Variants in TLN2 observed in about 807,000 individuals in gnomAD.
The protein encoded by TLN2 is talin-2.
TLN2 carries 118 observed loss-of-function variants against 294.7 expected under a neutral mutation model. The ratio of observed to expected loss-of-function variants is 0.40; its 90% confidence interval spans 0.34 to 0.47. The LOEUF is 0.47. TLN2 is among the 20% of genes least tolerant of loss of function. The probability of loss-of-function intolerance (pLI) is 0.84; values close to 1 mark genes in which losing one functional copy is unlikely to be tolerated. For missense variants in TLN2, 3,083 were observed against 3,282.2 expected, an observed-to-expected ratio of 0.94 and a Z score of 1.48; for synonymous variants, 1,431 against 1,304.5, an observed-to-expected ratio of 1.10 and a Z score of -2.09.
chr15:62,547,236 C>G (rs993544652), intron 1 of TLN2, among the ~76,000 whole-genome samples: 1 of 152,194 alleles, frequency 6.6e-6, no homozygotes, highest in Admixed American at 6.5e-5. Context: ...TGTTCAGATA[C>G]TGTTAATGTT....
At chr15:62,686,414 G>A (rs2057293557) in intron 11 of TLN2, among the ~76,000 whole-genome samples, 1 of 151,964 alleles carries the variant, frequency 6.6e-6, no homozygotes, top group South Asian at 2.1e-4. Flanking sequence ...TCCTGAACAG[G>A]GGGCATGATT....
Position 62,590,066 on chromosome 15 carries a change from C to T in TLN2, c.-162+304C>T, listed in dbSNP as rs145112524. Among the ~76,000 whole-genome samples, 27 of 152,216 alleles carry T rather than the reference C, an allele frequency of 1.8e-4. No homozygotes were observed. The East Asian group carries it at 3.7e-3, about 21-fold the overall frequency. ...ACCTTATAGTGTGAATTCTCATTCA[C>T]TCACACTGGTTTGCTTCATAAATCT... On this transcript the variant is annotated intron_variant, in intron 2 of 58. Transcript: ENST00000636159.
intron 12 of TLN2, among the ~76,000 whole-genome samples, chr15:62,689,595 T>TC (rs2057602692): frequency 6.6e-6 from 1 of 152,066 alleles, no homozygotes; most frequent in Non-Finnish European, 1.5e-5. Flanking sequence ...TGTGTTTTTT[T>TC]CCTCTGAGAA....
At chr15:62,732,057 G>A (rs1007426189) in intron 28 of TLN2, among the ~76,000 whole-genome samples, 2 of 152,146 alleles carry the variant, frequency 1.3e-5, no homozygotes, top group Admixed American at 6.5e-5. Flanking sequence ...GACACTTAGC[G>A]AGGGCTTTGT....
intron 28 of TLN2, among the ~76,000 whole-genome samples, chr15:62,728,419 G>A (rs28451037): frequency 1.2e-3 from 187 of 152,240 alleles, no homozygotes; most frequent in African/African-American, 4.3e-3. Flanking sequence ...GAACAAGTCC[G>A]GTCCACGTTG....
intron 37 of TLN2, chr15:62,758,610 T>C (rs1193074968): frequency 6.6e-6 from 1 of 152,254 alleles, no homozygotes; most frequent in Admixed American, 6.5e-5. Flanking sequence ...ACTTTCAGTG[T>C]GTACCACAGA....
At chr15:62,598,885 C>T (rs939751506) in intron 2 of TLN2, among the ~76,000 whole-genome samples, 5 of 152,050 alleles carry the variant, frequency 3.3e-5, no homozygotes, top group Admixed American at 6.5e-5. Context: ...CGATGGGACC[C>T]GTGCACAGTG....
At chr15:62,657,721 C>T (rs1476800741) in intron 8 of TLN2, 50 bp from the exon 9 acceptor site, 6 of 1,589,722 alleles carry the variant, frequency 3.8e-6, no homozygotes, top group Non-Finnish European at 4.3e-6. Flanking sequence ...GTGGAGAGAA[C>T]GTGTCACTCC....
intron 3 of TLN2, among the ~76,000 whole-genome samples, chr15:62,631,529 T>G (rs1054332836): frequency 4.6e-5 from 3 of 65,510 alleles, no homozygotes; most frequent in African/African-American, 2.3e-4. Context: ...TTCCTTTCCT[T>G]TCCTTTCCTT....
At position 62,713,271 on chromosome 15, in the gene TLN2, CAAAAAAA is replaced by C. The variant is rs541064329; in HGVS notation, c.2634+1206_2634+1212del. Among the ~76,000 whole-genome samples the C allele has an allele frequency of 7.5e-3, 841 of 111,496 alleles. 9 individuals carry two copies. The highest frequency in any genetic ancestry group is 0.028 in the African/African-American group (802 of 28,234). 73.1% of individuals were successfully genotyped at this position (111,496 alleles called of 152,430 possible). ...GGGTGACAAGAGCAAACCTGCGTCT[CAAAAAAA>C]AAAAAAAAAAACAAAAAATAGATTC... On this transcript the variant is annotated intron_variant, in intron 22 of 58. Coordinates refer to ENST00000636159, the MANE Select transcript of TLN2 (RefSeq NM_015059.3).
At chr15:62,648,544 G>A (rs964029229) in intron 4 of TLN2, among the ~76,000 whole-genome samples, 3 of 92,194 alleles carry the variant, frequency 3.3e-5, no homozygotes, top group South Asian at 8.5e-4. Context: ...TGATGATGAC[G>A]ATTTTTTTTT....
chr15:62,508,797 T>A (rs1055862810), intron 1 of TLN2, among the ~76,000 whole-genome samples: 3 of 152,200 alleles, frequency 2.0e-5, no homozygotes, highest in Non-Finnish European at 4.4e-5. Flanking sequence ...TTTTTGTGTG[T>A]GTGTGTAATG....
rs1194912346 is a variant in TLN2, at chr15:62,631,141, T to TC, written c.-37+12666_-37+12667insC. Among the ~76,000 whole-genome samples the TC allele has an allele frequency of 1.6e-4, 25 of 152,300 alleles. No individual in the cohort carries two copies. The East Asian group carries it at 4.4e-3, about 27-fold the overall frequency. ...TAGACTCTGTTGGCTTGCAGCTTCC[T>TC]ATGAGTTCCGCAGCTTCTCATACCT... is the stretch of plus-strand genomic sequence containing the variant. On this transcript the variant is annotated intron_variant, in intron 3 of 58. Coordinates refer to ENST00000636159, the MANE Select transcript of TLN2 (RefSeq NM_015059.3).
chr15:62,797,214 C>G lies in TLN2; in HGVS notation c.6051-5C>G, dbSNP rs758155925. 2 of 1,614,120 alleles carry G rather than the reference C, an allele frequency of 1.2e-6. No homozygotes were observed. Among genetic ancestry groups the G allele is most frequent in the East Asian group, 4.5e-5 (2 of 44,876 alleles). ...CCCTCTCCCCTGCCCTCCTGGCTCT[C>G]TCAGGGAGAACATTCTCAAGACGGC... On this transcript the variant is annotated splice_polypyrimidine_tract_variant and splice_region_variant and intron_variant, in intron 47 of 58. Transcript: ENST00000636159.
Position 62,566,993 on chromosome 15 carries a change from C to A in TLN2, c.-237-22694C>A, listed in dbSNP as rs76529168. Among the ~76,000 whole-genome samples the A allele has an allele frequency of 3.3e-3, 499 of 152,242 alleles. 7 individuals are homozygous for A. Among genetic ancestry groups the A allele is most frequent in the African/African-American group, 0.01 (424 of 41,544 alleles). ...TCTCAGGAAAAAATTTGTATTTTGA[C>A]CAACTTATTTTCAGGTTCTGCCCCA... On this transcript the variant is annotated intron_variant, in intron 1 of 58. Coordinates refer to ENST00000636159, the MANE Select transcript of TLN2 (RefSeq NM_015059.3).
At chr15:62,714,062 T>C (rs1237978276) in intron 22 of TLN2, among the ~76,000 whole-genome samples, 1 of 151,708 alleles carries the variant, frequency 6.6e-6, no homozygotes, top group Non-Finnish European at 1.5e-5. Flanking sequence ...AAAAATTACT[T>C]GGTAGGTTGG....
At chr15:62,441,145 G>A (rs2035525774) in intron 1 of TLN2, among the ~76,000 whole-genome samples, 1 of 152,142 alleles carries the variant, frequency 6.6e-6, no homozygotes, top group Admixed American at 6.6e-5. Flanking sequence ...TCCAGTACAA[G>A]CAGAGATGGA....
intron 14 of TLN2, among the ~76,000 whole-genome samples, chr15:62,695,003 A>G (rs1038503514): frequency 1.3e-5 from 2 of 152,216 alleles, no homozygotes; most frequent in African/African-American, 4.8e-5. Flanking sequence ...TTTCCATGGT[A>G]GTTACTAATA....
At chr15:62,459,604 A>G (rs1007852559) in intron 1 of TLN2, among the ~76,000 whole-genome samples, 18 of 152,146 alleles carry the variant, frequency 1.2e-4, no homozygotes, top group African/African-American at 2.9e-4. Context: ...CTGAACTTCT[A>G]TTTTTCAGGT....
Sources: gnomAD v4.1 joint callset for allele counts (sites outside exome capture counted in the v4.1 genomes callset) on GRCh38, gnomAD v4.1.1 for gene constraint, MANE v1.5 for transcripts, NCBI Gene and HGNC (gene_info 2026-07-23, HGNC 2026-07-21) for gene names.